The following TCF12 variants were observed in gnomAD, a reference collection of about 807,000 sequenced individuals.
TCF12 encodes the protein DNA-binding protein HTF4.
Under a neutral mutation model 86.0 loss-of-function variants are expected in TCF12, and 45 were observed. That is an observed-to-expected ratio of 0.52 (90% CI 0.41 to 0.67). The LOEUF (loss-of-function observed/expected upper bound fraction) is 0.67, where lower values mean the gene tolerates loss of function less well. Among genes scored for constraint, TCF12 ranks in the 30% least tolerant of loss-of-function variants. TCF12 has a pLI of 0.00. For missense variants in TCF12, 881 were observed against 859.9 expected (o/e 1.02, Z -0.31); for synonymous variants, 330 against 299.6 (o/e 1.10, Z -1.05).
intron 3 of TCF12, among the ~76,000 whole-genome samples, chr15:57,021,792 G>A (rs2065500826): frequency 6.6e-6 from 1 of 151,858 alleles, no homozygotes; most frequent in African/African-American, 2.4e-5. Context: ...GTGTTAATGG[G>A]ATGTGAAGTC....
chr15:57,265,110 TA>T (rs2060798472), intron 18 of TCF12, among the ~76,000 whole-genome samples: 1 of 150,550 alleles, frequency 6.6e-6, no homozygotes, highest in African/African-American at 2.5e-5. Context: ...TAGTATAGTA[TA>T]GTATAGTATA....
intron 8 of TCF12, among the ~76,000 whole-genome samples, chr15:57,223,654 T>TGTTG (rs1566940760): frequency 2.3e-5 from 3 of 129,964 alleles, no homozygotes; most frequent in African/African-American, 5.4e-5. Flanking sequence ...TTTTTTTTTT[T>TGTTG]TTTTTTTTTT....
intron 4 of TCF12, among the ~76,000 whole-genome samples, chr15:57,066,487 A>C (rs571832651): frequency 2.0e-5 from 3 of 152,172 alleles, no homozygotes; most frequent in Non-Finnish European, 4.4e-5. Context: ...AGACTTTATC[A>C]TATTATATAA....
intron 4 of TCF12, among the ~76,000 whole-genome samples, chr15:57,077,443 C>CTGTTAGTA: frequency 6.9e-6 from 1 of 143,980 alleles, no homozygotes; most frequent in East Asian, 2.0e-4. Context: ...GACATGATCT[C>CTGTTAGTA]TGTTAGTATT....
chr15:56,942,750 G>A (rs1381689663), intron 3 of TCF12, among the ~76,000 whole-genome samples: 1 of 151,846 alleles, frequency 6.6e-6, no homozygotes, highest in African/African-American at 2.4e-5. Context: ...AAATTAAAGT[G>A]GTTTTAATTT....
chr15:57,244,091 C>T (rs1275512805), intron 13 of TCF12, among the ~76,000 whole-genome samples: 2 of 152,040 alleles, frequency 1.3e-5, no homozygotes, highest in Non-Finnish European at 2.9e-5. Context: ...GTTGCCCAGC[C>T]TAGTCTTGAA....
intron 3 of TCF12, among the ~76,000 whole-genome samples, chr15:57,027,637 C>T (rs2065900497): frequency 6.6e-6 from 1 of 151,864 alleles, no homozygotes; most frequent in African/African-American, 2.4e-5. Context: ...TGGAAAAGTG[C>T]TTTTTTAAAG....
chr15:57,083,597 T>A (rs1177189744), intron 4 of TCF12, among the ~76,000 whole-genome samples: 4 of 152,162 alleles, frequency 2.6e-5, no homozygotes, highest in African/African-American at 9.7e-5. Flanking sequence ...TTTTTAAAAA[T>A]TTTTTGAGAT....
At chr15:57,136,020 A>G (rs1012071789) in intron 5 of TCF12, among the ~76,000 whole-genome samples, 1 of 151,964 alleles carries the variant, frequency 6.6e-6, no homozygotes, top group Non-Finnish European at 1.5e-5. Flanking sequence ...TTAGATCTTC[A>G]TTTATCTTCC....
rs373539924 is a variant in TCF12 at position 57,026,847 on chromosome 15, G to A, written c.149-36903G>A. Among the ~76,000 whole-genome samples, 7 of 151,998 alleles carry A rather than the reference G, an allele frequency of 4.6e-5. No homozygotes were observed. In the East Asian group the frequency reaches 7.7e-4, roughly 17 times the overall value. On this transcript the variant is annotated intron_variant, in intron 3 of 20. Coordinates refer to ENST00000333725, the MANE Select transcript of TCF12 (RefSeq NM_207037.2). ...GCTGAAGGCCTTTATATAAAATGGC[G>A]TAGTATTTGCATATAACCTGTGCAC...
chr15:56,960,653 C>T (rs1239369763), intron 3 of TCF12, among the ~76,000 whole-genome samples: 1 of 151,574 alleles, frequency 6.6e-6, no homozygotes, highest in East Asian at 2.0e-4. Flanking sequence ...TGGTCTCAAA[C>T]TCCTGACCTC....
At chr15:56,928,668 T>C (rs560414849) in intron 3 of TCF12, among the ~76,000 whole-genome samples, 4 of 152,346 alleles carry the variant, frequency 2.6e-5, no homozygotes, top group East Asian at 1.9e-4. Flanking sequence ...TTTTGTAGAC[T>C]ATACTTTGTA....
chr15:57,224,812 A>G (rs1240035677), intron 8 of TCF12, among the ~76,000 whole-genome samples: 2 of 152,140 alleles, frequency 1.3e-5, no homozygotes, highest in Non-Finnish European at 2.9e-5. Flanking sequence ...GATGGCTTGT[A>G]TGTGCCTGAG....
chr15:56,997,611 CAGA>C (rs1308228486), intron 3 of TCF12, among the ~76,000 whole-genome samples: 1 of 152,112 alleles, frequency 6.6e-6, no homozygotes, highest in East Asian at 1.9e-4. Flanking sequence ...CATATACCCC[CAGA>C]TTCTAAAATA....
chr15:56,926,489 T>C (rs1355750411), intron 3 of TCF12, among the ~76,000 whole-genome samples: 2 of 152,000 alleles, frequency 1.3e-5, no homozygotes, highest in Non-Finnish European at 2.9e-5. Flanking sequence ...CTCAAAAATG[T>C]TGAGTTTAGA....
intron 6 of TCF12, among the ~76,000 whole-genome samples, chr15:57,183,377 A>G (rs748078379): frequency 1.3e-5 from 2 of 152,100 alleles, no homozygotes; most frequent in African/African-American, 2.4e-5. Flanking sequence ...ACATTTTCCT[A>G]TTTATTCTTG....
intron 5 of TCF12, among the ~76,000 whole-genome samples, chr15:57,142,386 T>C (rs1280182553): frequency 6.8e-6 from 1 of 147,930 alleles, no homozygotes; most frequent in South Asian, 2.2e-4. Flanking sequence ...CTATACAGAT[T>C]CCCTCAGCTG....
intron 18 of TCF12, 67 bp downstream of exon 18, chr15:57,263,341 G>T: frequency 6.7e-7 from 1 of 1,502,396 alleles, no homozygotes; most frequent in Non-Finnish European, 9.0e-7. Flanking sequence ...TGAGAAGCTG[G>T]GTGTCATGCA....
chr15:57,217,481 A>G (rs920891389), intron 8 of TCF12, among the ~76,000 whole-genome samples: 9 of 152,298 alleles, frequency 5.9e-5, no homozygotes, highest in African/African-American at 2.2e-4. Context: ...TTTATCAAAC[A>G]ACATAGTAAG....
Sources: gnomAD v4.1 joint callset for allele counts (sites outside exome capture counted in the v4.1 genomes callset) on GRCh38, gnomAD v4.1.1 for gene constraint, MANE v1.5 for transcripts, NCBI Gene and HGNC (gene_info 2026-07-23, HGNC 2026-07-21) for gene names.